Variants in NME7 observed in about 807,000 individuals in gnomAD.
NME7 encodes the protein NME/NM23 family member 7, also known as nucleoside diphosphate kinase 7.
A neutral mutation model predicts 49.1 loss-of-function variants in NME7; 41 were observed. The observed-to-expected ratio is 0.83, with a 90% CI of 0.65 to 1.08. The LOEUF (loss-of-function observed/expected upper bound fraction) is 1.08. Ranked by LOEUF, NME7 falls within the 50% of genes least tolerant of loss-of-function variation. The pLI, the probability that NME7 is intolerant of heterozygous loss-of-function variation, is 0.00. For missense variants in NME7, 423 were observed against 463.4 expected, an observed-to-expected ratio of 0.91 and a Z score of 0.80; for synonymous variants, 139 against 150.6, an observed-to-expected ratio of 0.92 and a Z score of 0.56.
intron 10 of NME7, among the ~76,000 whole-genome samples, chr1:169,227,173 C>T (rs144235322): frequency 0.015 from 2,270 of 152,230 alleles, 63 homozygotes; most frequent in African/African-American, 0.051. Flanking sequence ...TTTCTATGAT[C>T]GTGAACCTGC....
chr1:169,157,249 AT>A (rs898314639), intron 11 of NME7, among the ~76,000 whole-genome samples: 8 of 152,230 alleles, frequency 5.3e-5, no homozygotes, highest in African/African-American at 1.9e-4. Flanking sequence ...TCCCACATGC[AT>A]TTACTCAACA....
Position 169,298,650 on chromosome 1 carries a change from C to T in NME7, c.554G>A (p.Arg185His), listed in dbSNP as rs139755731. 35 of 1,613,828 alleles carry T rather than the reference C, an allele frequency of 2.2e-5. No individual in the cohort carries two copies. In the South Asian group the frequency reaches 2.2e-4, roughly 10 times the overall value. Residue 185 changes from arginine to histidine, a missense_variant, in exon 6 of 12, where the codon CGC (arginine) becomes CAC (histidine). By Grantham distance (29) the Arg-to-His change is conservative. Coordinates refer to ENST00000367811, the MANE Select transcript of NME7 (RefSeq NM_013330.5). ...LLGPANSGVARTDASESIRAL... is the reference protein window; with the variant it reads ...LLGPANSGVAHTDASESIRAL... ...TCTAATGCTTTCAGAAGCATCTGTG[C>T]GTGCCACTCCAGAGTTTGCAGGTCC...
At chr1:169,204,758 A>C (rs185109310) in intron 10 of NME7, among the ~76,000 whole-genome samples, 55 of 152,178 alleles carry the variant, frequency 3.6e-4, no homozygotes, top group Admixed American at 1.0e-3. Context: ...AACAGTTTGC[A>C]AGCAAAATCT....
chr1:169,351,412 G>A (rs1341907581), intron 1 of NME7, among the ~76,000 whole-genome samples: 2 of 151,470 alleles, frequency 1.3e-5, no homozygotes, highest in East Asian at 1.9e-4. Flanking sequence ...TACTAGCTAG[G>A]GAATTCAGTG....
Position 169,255,969 on chromosome 1 carries a change from C to T in NME7, c.755-18282G>A, listed in dbSNP as rs1222675583. 4.5e-5 allele frequency among the ~76,000 whole-genome samples: 6 copies of T among 132,818 alleles called. 1 individual carries two copies. The highest frequency in any genetic ancestry group is 7.6e-5 in the African/African-American group (3 of 39,374). 87.1% of individuals were successfully genotyped at this position (132,818 alleles called of 152,430 possible). ...GATGGGCTTTCCTTTGAGGGTAACCCGACCTTTCTCTCTGGCTGCCCTTAA... is the reference window on the plus strand; with the variant it reads ...GATGGGCTTTCCTTTGAGGGTAACCTGACCTTTCTCTCTGGCTGCCCTTAA... On this transcript the variant is annotated intron_variant, in intron 7 of 11. Transcript: ENST00000367811.
intron 1 of NME7, among the ~76,000 whole-genome samples, chr1:169,342,887 C>CAAGTACATATATATAGTATATAT (rs1652807328): frequency 9.0e-5 from 2 of 22,132 alleles, no homozygotes; most frequent in Admixed American, 6.9e-4. Flanking sequence ...AGTATATATA[C>CAAGTACATATATATAGTATATAT]ATATATACAA....
Position 169,190,540 on chromosome 1 carries a change from G to GAATAGGGGT in NME7, c.991-20995_991-20987dup, listed in dbSNP as rs1287440630. On this transcript the variant is annotated intron_variant, in intron 10 of 11. Transcript: ENST00000367811. ...TTTTCTTCTTTTTTTTTTGGAGGTG[G>GAATAGGGGT]AATAGGGGTAATAAACATGGACTAC... The GAATAGGGGT allele has an allele frequency of 1.3e-5, 4 of 303,052 alleles. No individual in the cohort carries two copies. In the Admixed American group the frequency reaches 1.9e-4, roughly 14 times the overall value. 18.8% of individuals were successfully genotyped at this position (303,052 alleles called of 1,614,324 possible). A position where few individuals can be genotyped will look rare whatever the true frequency, so the allele number is the denominator to read the frequency against.
chr1:169,173,204 T>C (rs754762462), intron 10 of NME7, among the ~76,000 whole-genome samples: 2 of 152,210 alleles, frequency 1.3e-5, no homozygotes, highest in Non-Finnish European at 2.9e-5. Context: ...TAAAATAGAA[T>C]CTGTCTTAAG....
intron 3 of NME7, among the ~76,000 whole-genome samples, chr1:169,315,057 A>G (rs1651563647): frequency 6.6e-6 from 1 of 152,112 alleles, no homozygotes; most frequent in East Asian, 1.9e-4. Context: ...AAAGACTAAC[A>G]TAACTACAAG....
At chr1:169,150,597 A>T (rs1481419941) in intron 11 of NME7, among the ~76,000 whole-genome samples, 1 of 152,156 alleles carries the variant, frequency 6.6e-6, no homozygotes, top group Non-Finnish European at 1.5e-5. Context: ...AGGCAAAGGG[A>T]TATTTTGGTT....
intron 7 of NME7, among the ~76,000 whole-genome samples, chr1:169,280,395 A>G (rs745722345): frequency 6.6e-6 from 1 of 152,012 alleles, no homozygotes; most frequent in Non-Finnish European, 1.5e-5. Flanking sequence ...ATTTTCTCCT[A>G]TTCTGTAGGT....
chr1:169,158,483 C>T (rs1659147818), intron 11 of NME7, among the ~76,000 whole-genome samples: 1 of 151,748 alleles, frequency 6.6e-6, no homozygotes, highest in Non-Finnish European at 1.5e-5. Flanking sequence ...CATGGTTGAC[C>T]ATGGGTAACT....
At chr1:169,289,781 A>C (rs1210508938) in intron 6 of NME7, among the ~76,000 whole-genome samples, 3 of 152,174 alleles carry the variant, frequency 2.0e-5, no homozygotes, top group Non-Finnish European at 4.4e-5. Flanking sequence ...TAAAGCATAA[A>C]GATTTTACAT....
At chr1:169,238,510 CA>C (rs1308069988) in intron 7 of NME7, among the ~76,000 whole-genome samples, 4 of 150,948 alleles carry the variant, frequency 2.6e-5, no homozygotes, top group African/African-American at 2.5e-5. Flanking sequence ...CACACACACA[CA>C]CACACCATAT....
In NME7 at chr1:169,265,410, A is replaced by C. The variant is rs1489430833; in HGVS notation, c.754+21893T>G. Among the ~76,000 whole-genome samples the C allele has an allele frequency of 1.5e-5, 2 of 133,542 alleles. 1 individual carries two copies. The highest frequency in any genetic ancestry group is 3.9e-4 in the East Asian group (2 of 5,064). The allele number at this position is 133,542 out of a possible 152,430, so 87.6% of individuals were successfully genotyped here. ...AGGTAAATAATGAAATTAAGGCAGA[A>C]ATCAAGAAGTTCTTTGAAATGAATG... On this transcript the variant is annotated intron_variant, in intron 7 of 11. Coordinates refer to ENST00000367811, the MANE Select transcript of NME7 (RefSeq NM_013330.5).
chr1:169,246,814 A>G (rs995305934), intron 7 of NME7, among the ~76,000 whole-genome samples: 3 of 152,170 alleles, frequency 2.0e-5, no homozygotes, highest in African/African-American at 7.2e-5. Context: ...CCTGGCCTGA[A>G]GTGATCTTCC....
At chr1:169,181,432 C>T (rs1453713911) in intron 10 of NME7, among the ~76,000 whole-genome samples, 5 of 151,888 alleles carry the variant, frequency 3.3e-5, no homozygotes, top group African/African-American at 1.2e-4. Flanking sequence ...TTCCCTTCCC[C>T]CTTTCCATTC....
intron 1 of NME7, among the ~76,000 whole-genome samples, chr1:169,334,397 C>A (rs1043713489): frequency 5.3e-5 from 8 of 152,046 alleles, no homozygotes; most frequent in African/African-American, 1.9e-4. Context: ...AGAGACCTCA[C>A]AAATAATACC....
chr1:169,201,226 C>A (rs1465583561), intron 10 of NME7, among the ~76,000 whole-genome samples: 1 of 151,884 alleles, frequency 6.6e-6, no homozygotes, highest in African/African-American at 2.4e-5. Context: ...GCGAGACTGT[C>A]TCAATAAATA....
Sources: allele counts gnomAD v4.1 joint callset (sites outside exome capture counted in the v4.1 genomes callset), GRCh38; gene constraint gnomAD v4.1.1; transcripts MANE v1.5; gene names NCBI Gene and HGNC (gene_info 2026-07-23, HGNC 2026-07-21).